TMEM181: variants seen among roughly 807,000 people sequenced by gnomAD.
The protein encoded by TMEM181 is G protein-coupled receptor 178.
A neutral mutation model predicts 71.9 loss-of-function variants in TMEM181; 39 were observed. The ratio of observed to expected loss-of-function variants is 0.54; its 90% CI spans 0.42 to 0.71. The LOEUF is 0.71. Among genes scored for constraint, TMEM181 ranks in the 30% least tolerant of loss-of-function variants. The pLI is 0.00. For synonymous variants in TMEM181, 245 were observed against 228.8 expected, an observed-to-expected ratio of 1.07 and a Z score of -0.64; for missense variants, 595 against 583.0, an observed-to-expected ratio of 1.02 and a Z score of -0.21.
chr6:158,618,300 C>T (rs1021056793), intron 10 of TMEM181, among the ~76,000 whole-genome samples: 1 of 137,894 alleles, frequency 7.3e-6, no homozygotes, highest in African/African-American at 2.8e-5. Flanking sequence ...AGGATTGCAA[C>T]CCCTGCTTTT....
At chr6:158,594,414 C>T (rs1285166838) in intron 6 of TMEM181, among the ~76,000 whole-genome samples, 3 of 151,952 alleles carry the variant, frequency 2.0e-5, no homozygotes, top group Non-Finnish European at 4.4e-5. Context: ...TTTGCTTTTT[C>T]CAGAATGTCA....
intron 6 of TMEM181, among the ~76,000 whole-genome samples, chr6:158,597,840 TG>T (rs1295271099): frequency 6.6e-6 from 1 of 152,054 alleles, no homozygotes; most frequent in Non-Finnish European, 1.5e-5. Context: ...AATCCATTCA[TG>T]GGGGCAGAGT....
At chr6:158,570,919 G>A (rs964118836) in intron 1 of TMEM181, among the ~76,000 whole-genome samples, 3 of 149,024 alleles carry the variant, frequency 2.0e-5, no homozygotes, top group African/African-American at 7.5e-5. Flanking sequence ...TTGTTAGGTT[G>A]GTTTTTTTTT....
At chr6:158,578,383 T>C (rs536587394) in intron 2 of TMEM181, among the ~76,000 whole-genome samples, 1 of 152,368 alleles carries the variant, frequency 6.6e-6, no homozygotes, top group African/African-American at 2.4e-5. Context: ...TTCAACGTTA[T>C]TTGAAAGACA....
intron 13 of TMEM181, 140 bp from the exon 14 acceptor site, chr6:158,628,268 G>C: frequency 2.6e-6 from 2 of 762,478 alleles, no homozygotes; most frequent in Non-Finnish European, 4.6e-6. Context: ...GCGTGCATCT[G>C]TGCATGTGTG....
intron 6 of TMEM181, among the ~76,000 whole-genome samples, chr6:158,595,613 A>G (rs576157879): frequency 1.1e-4 from 17 of 152,364 alleles, no homozygotes; most frequent in Admixed American, 1.1e-3. Flanking sequence ...ATGAACCTTC[A>G]TAGCTTCATG....
intron 2 of TMEM181, among the ~76,000 whole-genome samples, chr6:158,579,575 C>T (rs893410706): frequency 3.3e-5 from 5 of 151,224 alleles, no homozygotes; most frequent in African/African-American, 1.2e-4. Flanking sequence ...AAAAATTAGC[C>T]GAGCATGGTG....
At chr6:158,559,980 A>G (rs1429141474), upstream of TMEM181, 1 of 907,062 alleles carries the variant, frequency 1.1e-6, no homozygotes, top group East Asian at 1.2e-4. Context: ...GGGGCCACGA[A>G]GGAGGGCCAC....
At chr6:158,606,127 C>T (rs73796521) in intron 7 of TMEM181, among the ~76,000 whole-genome samples, 19,702 of 150,456 alleles carry the variant, frequency 0.13, 1,416 homozygotes, top group Middle Eastern at 0.2. Flanking sequence ...GAGCGAAGGG[C>T]GTGGGCGCTA....
At chr6:158,565,437 GAGA>G (rs1415640248) in intron 1 of TMEM181, among the ~76,000 whole-genome samples, 3 of 152,196 alleles carry the variant, frequency 2.0e-5, no homozygotes, top group Non-Finnish European at 4.4e-5. Context: ...AGGTCCCAGG[GAGA>G]AGGTTTTCTG....
At chr6:158,539,887 C>A (rs1207526050) in intron 1 of TMEM181, among the ~76,000 whole-genome samples, 1 of 152,174 alleles carries the variant, frequency 6.6e-6, no homozygotes, top group Non-Finnish European at 1.5e-5. Flanking sequence ...GTTTCCACAT[C>A]AGGATAAAGA....
chr6:158,583,110 G>C (rs1258048255), intron 3 of TMEM181, among the ~76,000 whole-genome samples: 13 of 152,134 alleles, frequency 8.5e-5, no homozygotes, highest in Admixed American at 8.5e-4. Flanking sequence ...GCAGGTGCCT[G>C]TAATCCCAGC....
intron 10 of TMEM181, 65 bp downstream of exon 10, chr6:158,608,815 A>G: frequency 2.0e-6 from 3 of 1,501,012 alleles, no homozygotes. Flanking sequence ...TGGAAAGGCC[A>G]GGCCAGGCGT....
rs73796524 is a variant in TMEM181 at position 158,613,787 on chromosome 6, T to C, written c.896+5037T>C. Among the ~76,000 whole-genome samples, 907 of 152,348 alleles carry C rather than the reference T, an allele frequency of 6.0e-3. 6 individuals carry two copies. Among genetic ancestry groups the C allele is most frequent in the African/African-American group, 0.02 (828 of 41,586 alleles). ...TATTGTTGTGGTTTAAGAATACTTA[T>C]AACTAGTTTTCAAATTCTAGAGGAA... On this transcript the variant is annotated intron_variant, in intron 10 of 16. Transcript: ENST00000684151.
chr6:158,556,497 G>A (rs1332482757), upstream of TMEM181, among the ~76,000 whole-genome samples: 1 of 152,216 alleles, frequency 6.6e-6, no homozygotes, highest in Non-Finnish European at 1.5e-5. Flanking sequence ...GGTATAGAAA[G>A]ATGAAGGTTT....
At chr6:158,583,755 G>A (rs765274531) in intron 3 of TMEM181, among the ~76,000 whole-genome samples, 199 bp from the exon 4 acceptor site, 33 of 152,142 alleles carry the variant, frequency 2.2e-4, no homozygotes, top group Non-Finnish European at 4.4e-4. Context: ...AGCCGAGATC[G>A]CGCCACTGCA....
chr6:158,571,701 G>C (rs1782858699), intron 1 of TMEM181, among the ~76,000 whole-genome samples: 1 of 152,240 alleles, frequency 6.6e-6, no homozygotes, highest in South Asian at 2.1e-4. Flanking sequence ...TTCTTCCTGG[G>C]CCAGCCTTCA....
At chr6:158,585,169 ATG>A (rs1783696526) in intron 4 of TMEM181, 133 bp from the exon 5 acceptor site, 1 of 876,822 alleles carries the variant, frequency 1.1e-6, no homozygotes, top group Non-Finnish European at 1.6e-6. Flanking sequence ...AGATTTTCAA[ATG>A]TGCTGAGGCC....
intron 1 of TMEM181, among the ~76,000 whole-genome samples, chr6:158,566,789 C>T (rs1267954923): frequency 6.6e-6 from 1 of 151,924 alleles, no homozygotes; most frequent in Non-Finnish European, 1.5e-5. Flanking sequence ...GTGGAGAGAC[C>T]GACGGAAGTT....
Sources: allele counts gnomAD v4.1 joint callset (sites outside exome capture counted in the v4.1 genomes callset), GRCh38; gene constraint gnomAD v4.1.1; transcripts MANE v1.5; gene names NCBI Gene and HGNC (gene_info 2026-07-23, HGNC 2026-07-21).